Variants in RNLS observed in about 807,000 individuals in gnomAD.
The protein encoded by RNLS is renalase.
A neutral mutation model predicts 39.8 loss-of-function variants in RNLS; 39 were observed. The observed-to-expected ratio is 0.98, with a 90% CI of 0.76 to 1.28. The LOEUF is 1.28. Among genes scored for constraint, RNLS ranks in the 50% most tolerant of loss-of-function variants. The pLI is 0.00. For missense variants in RNLS, 410 were observed against 413.3 expected, an observed-to-expected ratio of 0.99 and a Z score of 0.07; for synonymous variants, 147 against 150.7, an observed-to-expected ratio of 0.98 and a Z score of 0.18.
intron 4 of RNLS, among the ~76,000 whole-genome samples, chr10:88,450,659 T>A (rs1202592326): frequency 1.3e-5 from 2 of 152,060 alleles, no homozygotes; most frequent in Non-Finnish European, 2.9e-5. Context: ...ATGCAGATCA[T>A]CAACCAAAAG....
chr10:88,224,495 A>G, the RNLS span, among the ~76,000 whole-genome samples: 2 of 152,294 alleles, frequency 1.3e-5, no homozygotes, highest in East Asian at 3.9e-4. Flanking sequence ...ATCTGATGGG[A>G]CTTCTTTGCC....
the RNLS span, among the ~76,000 whole-genome samples, chr10:88,260,033 C>A: frequency 3.9e-5 from 6 of 152,150 alleles, no homozygotes; most frequent in South Asian, 1.2e-3. Flanking sequence ...AGCCACAGCA[C>A]CCGGCCAAAG....
At chr10:88,223,163 T>A in the RNLS span, among the ~76,000 whole-genome samples, 3 of 152,234 alleles carry the variant, frequency 2.0e-5, no homozygotes, top group Admixed American at 6.5e-5. Flanking sequence ...ATCTCCCCCA[T>A]CCTCCTTCTA....
At chr10:88,381,834 T>A (rs1226214187) in intron 4 of RNLS, among the ~76,000 whole-genome samples, 1 of 152,026 alleles carries the variant, frequency 6.6e-6, no homozygotes, top group East Asian at 1.9e-4. Context: ...CCCTGTCTGG[T>A]TTTTTTATAT....
At chr10:88,540,102 C>T (rs1847964119) in intron 4 of RNLS, among the ~76,000 whole-genome samples, 1 of 152,078 alleles carries the variant, frequency 6.6e-6, no homozygotes, top group Non-Finnish European at 1.5e-5. Context: ...ACCTTGTTAA[C>T]ACATTTTTAT....
chr10:88,364,177 A>C (rs1210223849), intron 4 of RNLS, among the ~76,000 whole-genome samples: 1 of 152,124 alleles, frequency 6.6e-6, no homozygotes, highest in Non-Finnish European at 1.5e-5. Flanking sequence ...CTGCCTTAGG[A>C]AGGCTCATTC....
At chr10:88,312,824 T>G (rs7919335) in intron 6 of RNLS, among the ~76,000 whole-genome samples, 22,947 of 152,048 alleles carry the variant, frequency 0.15, 1,866 homozygotes, top group East Asian at 0.34. Flanking sequence ...TGAGAGGAAG[T>G]TATAGAGATT....
At chr10:88,387,683 C>A (rs962965618) in intron 4 of RNLS, among the ~76,000 whole-genome samples, 8 of 152,128 alleles carry the variant, frequency 5.3e-5, no homozygotes, top group African/African-American at 1.9e-4. Context: ...TGGCATGCCC[C>A]AGGTCACCCA....
At chr10:88,420,922 T>C (rs1397240795) in intron 4 of RNLS, among the ~76,000 whole-genome samples, 1 of 152,246 alleles carries the variant, frequency 6.6e-6, no homozygotes, top group African/African-American at 2.4e-5. Flanking sequence ...AGTCTATACC[T>C]ATAACCCTAA....
rs768939981 is a variant in RNLS, at chr10:88,524,956, C to CACACACATATATATAT, written c.526+47946_526+47947insATATATATATGTGTGT. ...CATATATATATATATATGGCACACA[C>CACACACATATATATAT]ATACATATATATATATATATATATA... On this transcript the variant is annotated intron_variant, in intron 4 of 6. Transcript: ENST00000331772. Among the ~76,000 whole-genome samples, 13 of 76,286 alleles carry CACACACATATATATAT rather than the reference C, an allele frequency of 1.7e-4. 1 individual carries two copies. Among genetic ancestry groups the CACACACATATATATAT allele is most frequent in the African/African-American group, 5.9e-4 (13 of 21,932 alleles). The allele number at this position is 76,286 out of a possible 152,430, so 50.0% of individuals were successfully genotyped here.
rs117317943 is a variant in RNLS at position 88,546,010 on chromosome 10, G to A, written c.526+26893C>T. On this transcript the variant is annotated intron_variant, in intron 4 of 6. Coordinates refer to ENST00000331772, the MANE Select transcript of RNLS (RefSeq NM_001031709.3). ...TTAAAAATTATGTGAAGGGCCATGT[G>A]AAATTAAGTGCCCTAAACTGGTAGG... 6.7e-3 allele frequency among the ~76,000 whole-genome samples: 1,023 copies of A among 152,162 alleles called. 6 individuals are homozygous for A. The highest frequency in any genetic ancestry group is 0.011 in the Non-Finnish European group (716 of 67,972).
chr10:88,268,153 C>T, the RNLS span, among the ~76,000 whole-genome samples: 1 of 152,166 alleles, frequency 6.6e-6, no homozygotes, highest in Non-Finnish European at 1.5e-5. Flanking sequence ...TTCAGGGTTG[C>T]GTTATTTCAA....
At chr10:88,265,646 G>A in the RNLS span, among the ~76,000 whole-genome samples, 15 of 151,914 alleles carry the variant, frequency 9.9e-5, no homozygotes, top group Admixed American at 4.6e-4. Flanking sequence ...TATTTGATTC[G>A]TAGCTTGGTC....
chr10:88,398,922 T>C (rs1288344819), intron 4 of RNLS, among the ~76,000 whole-genome samples: 1 of 152,056 alleles, frequency 6.6e-6, no homozygotes, highest in Non-Finnish European at 1.5e-5. Flanking sequence ...CACAAAGAAC[T>C]CTTATAATTC....
At chr10:88,511,162 C>T (rs963558708) in intron 4 of RNLS, among the ~76,000 whole-genome samples, 2 of 151,972 alleles carry the variant, frequency 1.3e-5, no homozygotes, top group African/African-American at 2.4e-5. Flanking sequence ...TCAGGCCAAC[C>T]GTTGTTAGGT....
At position 88,304,988 on chromosome 10, in the gene RNLS, G is replaced by A. The variant is rs779689208; in HGVS notation, c.876+9478C>T. On this transcript the variant is annotated intron_variant, in intron 6 of 6. Coordinates refer to ENST00000331772, the MANE Select transcript of RNLS (RefSeq NM_001031709.3). Reference sequence around the variant, plus strand: ...AAGGGAAATCTATCAGACTAACAGCGGACCTCTCAGCAGAAACTCTACAAG... The same window carrying A: ...AAGGGAAATCTATCAGACTAACAGCAGACCTCTCAGCAGAAACTCTACAAG... 7.2e-5 allele frequency among the ~76,000 whole-genome samples: 11 copies of A among 152,222 alleles called. No homozygotes were observed. The South Asian group carries it at 8.3e-4, about 11-fold the overall frequency.
At chr10:88,172,839 G>GTTGT in the RNLS span, among the ~76,000 whole-genome samples, 53 of 31,500 alleles carry the variant, frequency 1.7e-3, no homozygotes, top group Non-Finnish European at 2.3e-3. Flanking sequence ...TGCATTTTGA[G>GTTGT]TTGTTTTTTT....
At chr10:88,355,860 C>G (rs1253468712) in intron 5 of RNLS, among the ~76,000 whole-genome samples, 1 of 152,212 alleles carries the variant, frequency 6.6e-6, no homozygotes, top group Non-Finnish European at 1.5e-5. Context: ...TGGGCTCCAC[C>G]CAGTTCGAGC....
At chr10:88,401,697 T>C (rs1249164038) in intron 4 of RNLS, among the ~76,000 whole-genome samples, 1 of 152,008 alleles carries the variant, frequency 6.6e-6, no homozygotes, top group Non-Finnish European at 1.5e-5. Context: ...TCTGGGCAGA[T>C]ACAGTATAGA....
Sources: allele counts gnomAD v4.1 joint callset (sites outside exome capture counted in the v4.1 genomes callset), GRCh38; gene constraint gnomAD v4.1.1; transcripts MANE v1.5; gene names NCBI Gene and HGNC (gene_info 2026-07-23, HGNC 2026-07-21).